DSCAM: variants seen among roughly 807,000 people sequenced by gnomAD.
DSCAM encodes cell adhesion molecule DSCAM.
A neutral mutation model predicts 217.7 loss-of-function variants in DSCAM; 47 were observed. That is an observed-to-expected ratio of 0.22 (90% CI 0.17 to 0.28). The LOEUF is 0.28. Among genes scored for constraint, DSCAM ranks in the 10% least tolerant of loss-of-function variants. DSCAM has a pLI of 1.00. For synonymous variants in DSCAM, 1,056 were observed against 1,015.3 expected, an observed-to-expected ratio of 1.04 and a Z score of -0.76; for missense variants, 2,080 against 2,618.3, an observed-to-expected ratio of 0.79 and a Z score of 4.49.
At chr21:40,617,002 G>A (rs2089406196) in intron 3 of DSCAM, among the ~76,000 whole-genome samples, 2 of 113,102 alleles carry the variant, frequency 1.8e-5, no homozygotes, top group Admixed American at 9.9e-5. Context: ...GGGCGACAGA[G>A]CAAGACTCCG....
At position 40,788,953 on chromosome 21, in the gene DSCAM, T is replaced by G. The variant is rs910426111; in HGVS notation, c.43+57666A>C. On this transcript the variant is annotated intron_variant, in intron 1 of 32. Coordinates refer to ENST00000400454, the MANE Select transcript of DSCAM (RefSeq NM_001389.5). ...AGCCTTAAAAGAACTGTTTTCTGCTTAGCAATCAGAATCTAATTTTAGAAT... is the reference window on the plus strand; with the variant it reads ...AGCCTTAAAAGAACTGTTTTCTGCTGAGCAATCAGAATCTAATTTTAGAAT... Among the ~76,000 whole-genome samples, 2 of 152,204 alleles carry G rather than the reference T, an allele frequency of 1.3e-5. 1 individual carries two copies. Among genetic ancestry groups the G allele is most frequent in the Non-Finnish European group, 2.9e-5 (2 of 68,034 alleles).
intron 3 of DSCAM, among the ~76,000 whole-genome samples, chr21:40,414,283 A>G (rs1261382227): frequency 6.6e-6 from 1 of 152,236 alleles, no homozygotes; most frequent in Non-Finnish European, 1.5e-5. Context: ...ACTCGACTAT[A>G]AGAAAACAAA....
intron 3 of DSCAM, among the ~76,000 whole-genome samples, chr21:40,412,201 C>G (rs998565785): frequency 6.6e-6 from 1 of 152,160 alleles, no homozygotes; most frequent in African/African-American, 2.4e-5. Flanking sequence ...TTGGGTATGT[C>G]TTTATCAGCG....
At chr21:40,261,447 T>C (rs1432366937) in intron 11 of DSCAM, among the ~76,000 whole-genome samples, 2 of 152,160 alleles carry the variant, frequency 1.3e-5, no homozygotes, top group Middle Eastern at 3.4e-3. Context: ...AAAGATTGAG[T>C]ATGAAGAAAC....
chr21:40,248,956 CCT>C (rs1029249050), intron 11 of DSCAM, among the ~76,000 whole-genome samples: 1 of 152,106 alleles, frequency 6.6e-6, no homozygotes, highest in Non-Finnish European at 1.5e-5. Context: ...AGCAGAAACC[CCT>C]GATAAACCCA....
At chr21:40,722,616 A>G (rs983963086) in intron 1 of DSCAM, among the ~76,000 whole-genome samples, 2 of 152,160 alleles carry the variant, frequency 1.3e-5, no homozygotes, top group Non-Finnish European at 2.9e-5. Flanking sequence ...AGAAAAATAA[A>G]GGAACAGAGG....
chr21:40,073,955 C>G (rs970904773), intron 27 of DSCAM, among the ~76,000 whole-genome samples: 9 of 152,152 alleles, frequency 5.9e-5, no homozygotes, highest in Admixed American at 4.6e-4. Context: ...GTACAATGTA[C>G]TTCAGAATTG....
At chr21:40,153,902 T>C (rs142233257) in intron 16 of DSCAM, among the ~76,000 whole-genome samples, 1,535 of 152,294 alleles carry the variant, frequency 0.01, 14 homozygotes, top group Middle Eastern at 0.024. Context: ...GGTTAGCCAG[T>C]AGCCCATTTT....
chr21:40,622,315 C>T (rs1252940516), intron 3 of DSCAM, among the ~76,000 whole-genome samples: 1 of 152,106 alleles, frequency 6.6e-6, no homozygotes, highest in East Asian at 1.9e-4. Flanking sequence ...ATGGGAAGCG[C>T]CACAATTTCT....
intron 11 of DSCAM, among the ~76,000 whole-genome samples, chr21:40,211,592 A>G (rs1460629219): frequency 6.6e-6 from 1 of 152,190 alleles, no homozygotes; most frequent in Non-Finnish European, 1.5e-5. Flanking sequence ...ATAAATGTGT[A>G]GCCAGGCATG....
At position 40,637,624 on chromosome 21, in the gene DSCAM, C is replaced by A. The variant is rs1209429283; in HGVS notation, c.508+55186G>T. Among the ~76,000 whole-genome samples the A allele has an allele frequency of 5.3e-3, 175 of 33,256 alleles. 8 individuals carry two copies. Among genetic ancestry groups the A allele is most frequent in the Middle Eastern group, 0.016 (1 of 62 alleles). 21.8% of individuals were successfully genotyped at this position (33,256 alleles called of 152,430 possible). A position where few individuals can be genotyped will look rare whatever the true frequency, so the allele number is the denominator to read the frequency against. On this transcript the variant is annotated intron_variant, in intron 3 of 32. Coordinates refer to ENST00000400454, the MANE Select transcript of DSCAM (RefSeq NM_001389.5). ...ATATATAAATATATATAAATATATA[C>A]ATATATAAATATATATAAATATATA...
At chr21:40,039,928 C>T (rs948753421) in intron 32 of DSCAM, among the ~76,000 whole-genome samples, 6 of 152,118 alleles carry the variant, frequency 3.9e-5, no homozygotes, top group East Asian at 1.9e-4. Context: ...ACAGACATGA[C>T]GAATATCATC....
intron 3 of DSCAM, among the ~76,000 whole-genome samples, chr21:40,487,229 G>A (rs937254591): frequency 2.0e-5 from 3 of 148,138 alleles, no homozygotes; most frequent in Admixed American, 6.7e-5. Context: ...TCTATAACCT[G>A]TAACTCTCTC....
At chr21:40,483,390 G>A (rs2075998699) in intron 3 of DSCAM, among the ~76,000 whole-genome samples, 1 of 152,170 alleles carries the variant, frequency 6.6e-6, no homozygotes, top group Admixed American at 6.5e-5. Flanking sequence ...ATTTTTAAGT[G>A]AAATCAACTT....
chr21:40,186,697 G>A (rs371583786), intron 14 of DSCAM, among the ~76,000 whole-genome samples: 228 of 152,258 alleles, frequency 1.5e-3, no homozygotes, highest in African/African-American at 5.3e-3. Context: ...CAGTTTATCC[G>A]ACCAACACCA....
chr21:40,345,827 A>G (rs113650549), intron 6 of DSCAM, among the ~76,000 whole-genome samples: 19 of 151,624 alleles, frequency 1.3e-4, no homozygotes, highest in Admixed American at 2.6e-4. Context: ...AGAAGAGAGA[A>G]AAAAAAAAGT....
intron 15 of DSCAM, among the ~76,000 whole-genome samples, chr21:40,170,725 C>T (rs894309115): frequency 3.3e-5 from 5 of 152,144 alleles, no homozygotes; most frequent in African/African-American, 1.2e-4. Context: ...CATAAAAATC[C>T]TTGAAAAATG....
intron 16 of DSCAM, among the ~76,000 whole-genome samples, chr21:40,164,281 G>T (rs760173): frequency 1.3e-5 from 2 of 151,586 alleles, no homozygotes; most frequent in Non-Finnish European, 1.5e-5. Flanking sequence ...GGACAGGAGA[G>T]GTAAGCATGT....
In DSCAM at chr21:40,533,524, T is replaced by C. The variant is rs536617717; in HGVS notation, c.508+159286A>G. Among the ~76,000 whole-genome samples, 4 of 149,708 alleles carry C rather than the reference T, an allele frequency of 2.7e-5. No homozygotes were observed. The East Asian group carries it at 7.9e-4, about 30-fold the overall frequency. On this transcript the variant is annotated intron_variant, in intron 3 of 32. Coordinates refer to ENST00000400454, the MANE Select transcript of DSCAM (RefSeq NM_001389.5). ...ATCCAACCAGCCATCCATCCATCCA[T>C]CTGTCCATCCATCCATCCATTCATC...
Sources: allele counts gnomAD v4.1 joint callset (sites outside exome capture counted in the v4.1 genomes callset), GRCh38; gene constraint gnomAD v4.1.1; transcripts MANE v1.5; gene names NCBI Gene and HGNC (gene_info 2026-07-23, HGNC 2026-07-21).